The following MYRIP variants were observed in gnomAD, a reference collection of about 807,000 sequenced individuals.
The protein encoded by MYRIP is myosin VIIA and Rab interacting protein.
Under a neutral mutation model 98.0 loss-of-function variants are expected in MYRIP, and 49 were observed. The observed-to-expected ratio is 0.50, with a 90% CI of 0.40 to 0.63. MYRIP has a LOEUF of 0.63. MYRIP is among the 30% of genes least tolerant of loss of function. The pLI is 0.00. For missense variants in MYRIP, 1,004 were observed against 1,058.2 expected (o/e 0.95, Z 0.71); for synonymous variants, 404 against 409.5 (o/e 0.99, Z 0.16).
chr3:40,205,639 CCCA>C (rs1951771223), intron 10 of MYRIP, among the ~76,000 whole-genome samples: 1 of 151,976 alleles, frequency 6.6e-6, no homozygotes, highest in African/African-American at 2.4e-5. Flanking sequence ...TTCATTCTTT[CCCA>C]CCGCCTCCCA....
intron 2 of MYRIP, among the ~76,000 whole-genome samples, chr3:39,969,316 T>C (rs1416144561): frequency 6.6e-6 from 1 of 152,144 alleles, no homozygotes; most frequent in Non-Finnish European, 1.5e-5. Context: ...CCTTTATTTC[T>C]TTCTATTGCT....
chr3:40,107,940 T>C (rs1202621123), intron 3 of MYRIP, among the ~76,000 whole-genome samples: 1 of 152,204 alleles, frequency 6.6e-6, no homozygotes, highest in Non-Finnish European at 1.5e-5. Context: ...GGGAGTCATC[T>C]TTCTAAAATG....
intron 1 of MYRIP, among the ~76,000 whole-genome samples, chr3:39,868,715 C>A (rs1942695419): frequency 6.6e-6 from 1 of 152,164 alleles, no homozygotes; most frequent in African/African-American, 2.4e-5. Context: ...AACAACTGGT[C>A]CAGGGAGTAT....
At chr3:40,026,626 A>G (rs887420573) in intron 2 of MYRIP, among the ~76,000 whole-genome samples, 12 of 152,118 alleles carry the variant, frequency 7.9e-5, no homozygotes, top group African/African-American at 2.9e-4. Context: ...CAGTCCCTCC[A>G]TTCAGGGTCC....
intron 3 of MYRIP, among the ~76,000 whole-genome samples, chr3:40,047,359 A>G (rs1253386622): frequency 1.3e-5 from 2 of 152,242 alleles, no homozygotes; most frequent in East Asian, 1.9e-4. Flanking sequence ...GAAGCTGAGC[A>G]TTAGAAAATA....
At chr3:40,136,659 A>G (rs1949779668) in intron 3 of MYRIP, among the ~76,000 whole-genome samples, 1 of 151,886 alleles carries the variant, frequency 6.6e-6, no homozygotes, top group Non-Finnish European at 1.5e-5. Flanking sequence ...GCAAATGTAA[A>G]AGAACAGAAA....
At chr3:40,238,996 C>T (rs1482881794) in intron 12 of MYRIP, among the ~76,000 whole-genome samples, 11 of 151,424 alleles carry the variant, frequency 7.3e-5, no homozygotes, top group African/African-American at 2.2e-4. Flanking sequence ...CATGCTGGTG[C>T]GCTGCACCCA....
At chr3:39,968,423 A>G (rs1354931163) in intron 2 of MYRIP, among the ~76,000 whole-genome samples, 1 of 152,034 alleles carries the variant, frequency 6.6e-6, no homozygotes, top group Non-Finnish European at 1.5e-5. Flanking sequence ...TTGGCCTCCC[A>G]AAGTGCTGGG....
intron 3 of MYRIP, among the ~76,000 whole-genome samples, chr3:40,085,020 A>G (rs980631499): frequency 9.9e-5 from 15 of 151,154 alleles, no homozygotes; most frequent in Non-Finnish European, 2.2e-4. Flanking sequence ...GATAGATAAT[A>G]TATATCTATG....
In MYRIP at chr3:39,887,761, T is replaced by C. The variant is rs1307966194; in HGVS notation, c.-30-13026T>C. On this transcript the variant is annotated intron_variant, in intron 1 of 16. Transcript: ENST00000302541. ...TTGTCCCTGTTTGCAGATGACATGA[T>C]TGTATATCTAGAGAACCCCATTGTC... Among the ~76,000 whole-genome samples, 61 of 152,260 alleles carry C rather than the reference T, an allele frequency of 4.0e-4. 1 individual carries two copies. Among genetic ancestry groups the C allele is most frequent in the Admixed American group, 4.0e-3 (61 of 15,290 alleles).
intron 2 of MYRIP, among the ~76,000 whole-genome samples, chr3:39,966,676 G>A (rs1048448387): frequency 5.3e-5 from 8 of 152,168 alleles, no homozygotes. Flanking sequence ...AGCATAAAGA[G>A]AATGCCGAGG....
chr3:39,913,290 A>T (rs558670738), intron 2 of MYRIP, among the ~76,000 whole-genome samples: 1 of 152,156 alleles, frequency 6.6e-6, no homozygotes, highest in East Asian at 1.9e-4. Context: ...GGATAGGCAA[A>T]CCTCTATAGA....
chr3:39,829,715 C>G (rs143782990), intron 1 of MYRIP, among the ~76,000 whole-genome samples: 1 of 151,956 alleles, frequency 6.6e-6, no homozygotes, highest in African/African-American at 2.4e-5. Flanking sequence ...AATACCATTG[C>G]ACACCTAATA....
chr3:39,971,375 G>C (rs1945577612), intron 2 of MYRIP, among the ~76,000 whole-genome samples: 1 of 151,956 alleles, frequency 6.6e-6, no homozygotes, highest in Admixed American at 6.6e-5. Flanking sequence ...CTGTCAAAAA[G>C]GTGTATTGGG....
upstream of MYRIP, among the ~76,000 whole-genome samples, chr3:39,809,440 G>A (rs965423558): frequency 6.8e-6 from 1 of 147,614 alleles, no homozygotes; most frequent in African/African-American, 2.4e-5. Flanking sequence ...GTGCTCTGGA[G>A]GAACCGGCCC....
At chr3:39,945,622 T>A (rs540427712) in intron 2 of MYRIP, among the ~76,000 whole-genome samples, 1 of 152,230 alleles carries the variant, frequency 6.6e-6, no homozygotes, top group East Asian at 1.9e-4. Flanking sequence ...TTCCAGTCTG[T>A]AACCCAAAAG....
intron 1 of MYRIP, among the ~76,000 whole-genome samples, chr3:39,868,704 A>G (rs1395538533): frequency 2.0e-5 from 3 of 152,196 alleles, no homozygotes; most frequent in Admixed American, 1.3e-4. Context: ...TAGAGATAGT[A>G]AACAACTGGT....
chr3:39,891,435 G>C (rs575973957), intron 1 of MYRIP, among the ~76,000 whole-genome samples: 1 of 152,014 alleles, frequency 6.6e-6, no homozygotes, highest in Admixed American at 6.6e-5. Context: ...CCAGGGAATA[G>C]GTGTACCACA....
chr3:40,050,926 A>G (rs1326606249), intron 3 of MYRIP, among the ~76,000 whole-genome samples: 1 of 152,306 alleles, frequency 6.6e-6, no homozygotes, highest in South Asian at 2.1e-4. Flanking sequence ...AGTGTACTGA[A>G]TTGCTGCAAT....
Sources: gnomAD v4.1 joint callset for allele counts (sites outside exome capture counted in the v4.1 genomes callset) on GRCh38, gnomAD v4.1.1 for gene constraint, MANE v1.5 for transcripts, NCBI Gene and HGNC (gene_info 2026-07-23, HGNC 2026-07-21) for gene names.